The following NKX2-3 variants were observed in gnomAD, a reference collection of about 807,000 sequenced individuals.
NKX2-3 encodes homeobox protein Nkx-2.3.
NKX2-3 carries 3 observed loss-of-function variants against 14.2 expected under a neutral mutation model. The ratio of observed to expected loss-of-function variants is 0.21; its 90% CI spans 0.10 to 0.55. The LOEUF (loss-of-function observed/expected upper bound fraction) is 0.55. Ranked by LOEUF, NKX2-3 falls within the 20% of genes least tolerant of loss-of-function variation. NKX2-3 has a pLI of 0.94. For missense variants in NKX2-3, 511 were observed against 514.5 expected, an observed-to-expected ratio of 0.99 and a Z score of 0.06; for synonymous variants, 276 against 234.2, an observed-to-expected ratio of 1.18 and a Z score of -1.63.
intron 1 of NKX2-3, 73 bp downstream of exon 1, chr10:99,533,562 A>C: frequency 8.9e-7 from 1 of 1,129,482 alleles, no homozygotes; most frequent in Non-Finnish European, 1.2e-6. Context: ...CAGCCCACAG[A>C]CCTTGCCAGC....
At position 99,533,216 on chromosome 10, in the gene NKX2-3, G is replaced by T. The variant is rs1442845894; in HGVS notation, c.85G>T (p.Gly29Cys). 1 of 1,609,338 alleles carries T rather than the reference G, an allele frequency of 6.2e-7. No individual in the cohort carries two copies. Among genetic ancestry groups the T allele is most frequent in the Admixed American group, 1.7e-5 (1 of 59,884 alleles). ...GGAGCAGCAGCACCAGCACTTCCATGGTGCGCACTTGCAGGCGGACTTGGA... is the reference window on the plus strand; with the variant it reads ...GGAGCAGCAGCACCAGCACTTCCATTGTGCGCACTTGCAGGCGGACTTGGA... The part of the protein sequence containing the change: ...NLEQQHQHFH[G>C]AHLQADLEHH... Residue 29 changes from glycine (G) to cysteine (C), a missense_variant, in exon 1 of 2, where the codon GGT becomes TGT. Physicochemically the swap from Gly to Cys is radical, Grantham distance 159. Transcript: ENST00000344586.
At chr10:99,533,557 C>T in intron 1 of NKX2-3, 68 bp downstream of exon 1, 1 of 1,249,246 alleles carries the variant, frequency 8.0e-7, no homozygotes, top group Non-Finnish European at 1.1e-6. Context: ...ACAAACAGCC[C>T]ACAGACCTTG....
chr10:99,535,161 G>A lies in NKX2-3; in HGVS notation c.535G>A (p.Glu179Lys), dbSNP rs1432108769. 1.2e-6 allele frequency: 2 copies of A among 1,613,324 alleles called. No individual in the cohort carries two copies. Among genetic ancestry groups the A allele is most frequent in the Non-Finnish European group, 1.7e-6 (2 of 1,179,840 alleles). ...GCGGTACCTGTCGGCACCCGAGCGC[G>A]AGCACCTCGCCAGCAGCCTGAAGCT... ...QQRYLSAPER[E>K]HLASSLKLTS... Residue 179 changes from glutamate to lysine, a missense_variant, in exon 2 of 2, where the codon GAG becomes AAG. This residue lies in a region of NKX2-3 where 243 missense variants were observed against 242.3 expected (regional missense o/e 1.00). Transcript: ENST00000344586.
rs777388553 is a variant in NKX2-3, at chr10:99,535,662, G to T, written c.1036G>T (p.Gly346Cys). 6.5e-7 allele frequency: 1 copy of T among 1,537,614 alleles called. No individual in the cohort carries two copies. The highest frequency in any genetic ancestry group is 8.7e-7 in the Non-Finnish European group (1 of 1,145,610). Residue 346 changes from glycine (G) to cysteine (C), a missense_variant, in exon 2 of 2, where the codon GGT becomes TGT. Gly to Cys is a radical substitution (Grantham distance 159). Transcript: ENST00000344586. ...SGGSAQPLHQ[G>C]TAAGAACAQG... is the part of the protein sequence containing the mutation. The stretch of plus-strand genomic sequence containing the variant: ...CGGCAGCGCACAGCCGTTGCACCAG[G>T]GTACTGCAGCCGGGGCCGCGTGCGC...
rs1315169158 is a variant in NKX2-3, at chr10:99,535,480, C to T, written c.854C>T (p.Ala285Val). 6.6e-6 allele frequency: 8 copies of T among 1,204,746 alleles called. No individual in the cohort carries two copies. Among genetic ancestry groups the T allele is most frequent in the Non-Finnish European group, 8.3e-6 (8 of 965,536 alleles). 74.6% of individuals were successfully genotyped at this position (1,204,746 alleles called of 1,614,324 possible). Residue 285 changes from alanine (A) to valine (V), a missense_variant, in exon 2 of 2, where the codon GCG (alanine) becomes GTG (valine). Coordinates refer to ENST00000344586, the MANE Select transcript of NKX2-3 (RefSeq NM_145285.3). ...AAAAAAAAAA[A>V]AYSSSYGCAY... ...GCCGCCGCCGCCGCCGCAGCAGCGG[C>T]GGCCTACAGCAGCAGCTATGGCTGT...
Position 99,535,199 on chromosome 10 carries a change from G to A in NKX2-3, c.573G>A (p.Gln191=), listed in dbSNP as rs773006927. The change falls in exon 2 of 2, where the codon CAG becomes CAA. Residue 191 remains glutamine, a synonymous_variant. Coordinates refer to ENST00000344586, the MANE Select transcript of NKX2-3 (RefSeq NM_145285.3). The stretch of plus-strand genomic sequence containing the variant: ...GCAGCCTGAAGCTCACATCCACTCA[G>A]GTGAAAATCTGGTTCCAGAATCGCA... ...LASSLKLTST[Q]VKIWFQNRRY... 5.6e-6 allele frequency: 9 copies of A among 1,613,296 alleles called. No individual in the cohort carries two copies. The highest frequency in any genetic ancestry group is 4.0e-5 in the African/African-American group (3 of 74,928).
In NKX2-3 at chr10:99,533,420, C is replaced by T; in HGVS notation, c.289C>T (p.Leu97=). The T allele has an allele frequency of 1.2e-6, 2 of 1,600,724 alleles. No individual in the cohort carries two copies. The highest frequency in any genetic ancestry group is 2.3e-5 in the South Asian group (2 of 88,676). The part of the protein sequence containing the change: ...LCPQGYVHTV[L]RDSCSEPKEH... ...TCCCCAGGGCTATGTCCACACGGTC[C>T]TGCGAGACTCGTGCAGCGAGCCCAA... Residue 97 remains leucine (L), a synonymous_variant, in exon 1 of 2, where the codon CTG becomes TTG. Coordinates refer to ENST00000344586, the MANE Select transcript of NKX2-3 (RefSeq NM_145285.3).
chr10:99,533,985 G>T (rs2033938757), intron 1 of NKX2-3, among the ~76,000 whole-genome samples: 1 of 152,220 alleles, frequency 6.6e-6, no homozygotes. Context: ...CAGGAACTTT[G>T]GTGGAGGCCA....
In NKX2-3 at chr10:99,535,440, GC is replaced by G; in HGVS notation, c.815del (p.Ala272GlyfsTer55). 1 of 1,316,792 alleles carries G rather than the reference GC, an allele frequency of 7.6e-7. No homozygotes were observed. Among genetic ancestry groups the G allele is most frequent in the Non-Finnish European group, 9.7e-7 (1 of 1,029,404 alleles). 81.6% of individuals were successfully genotyped at this position (1,316,792 alleles called of 1,614,324 possible). On this transcript the variant is annotated frameshift_variant, in exon 2 of 2. Coordinates refer to ENST00000344586, the MANE Select transcript of NKX2-3 (RefSeq NM_145285.3). LOFTEE classifies it low-confidence loss of function (END_TRUNC). Reference sequence around the variant, plus strand: ...CGCCTACGGCTATGGGAACTCGGCCGCGGCCGCCGCCGCCGCCGCCGCCGCC... The same window carrying G: ...CGCCTACGGCTATGGGAACTCGGCCGGGCCGCCGCCGCCGCCGCCGCCGCC... ...FPAYGYGNSA[A>X]AAAAAAAAAA...
rs767349644 is a variant in NKX2-3, at chr10:99,535,047, G to C, written c.421G>C (p.Glu141Gln). 16 of 1,606,762 alleles carry C rather than the reference G, an allele frequency of 1.0e-5. No homozygotes were observed. The highest frequency in any genetic ancestry group is 1.4e-5 in the Non-Finnish European group (16 of 1,177,256). Residue 141 changes from glutamate (E) to glutamine (Q), a missense_variant, in exon 2 of 2, where the codon GAG becomes CAG. By Grantham distance (29) the Glu-to-Gln change is conservative. Coordinates refer to ENST00000344586, the MANE Select transcript of NKX2-3 (RefSeq NM_145285.3). ...AGACTGCAAGGCGGCGGAGGAGAGCGAGAGGCCGAAGCCACGCAGCCGCCG... is the reference window on the plus strand; with the variant it reads ...AGACTGCAAGGCGGCGGAGGAGAGCCAGAGGCCGAAGCCACGCAGCCGCCG... Reference protein sequence around the residue: ...AGDCKAAEESERPKPRSRRKP... With the variant: ...AGDCKAAEESQRPKPRSRRKP...
chr10:99,535,849 C>A lies in NKX2-3; in HGVS notation c.*128C>A. ...AATATGTACGTCTAGCTCCTCAGGG[C>A]TTCGGATCGCAGCTCACTCGAGGCC... On this transcript the variant is annotated 3_prime_UTR_variant, in exon 2 of 2. Transcript: ENST00000344586. 2 of 1,092,000 alleles carry A rather than the reference C, an allele frequency of 1.8e-6. No homozygotes were observed. The highest frequency in any genetic ancestry group is 2.5e-6 in the Non-Finnish European group (2 of 803,012). The allele number at this position is 1,092,000 out of a possible 1,614,324, so 67.6% of individuals were successfully genotyped here.
rs2033960831 is a variant in NKX2-3 at position 99,535,564 on chromosome 10, T to A, written c.938T>A (p.Met313Lys). The change falls in exon 2 of 2, where the codon ATG becomes AAG. Residue 313 changes from methionine (M) to lysine (K), a missense_variant. By Grantham distance (95) the Met-to-Lys change is moderately conservative. Transcript: ENST00000344586. The part of the protein sequence containing the change: ...GGGTSAATTA[M>K]QPACSAAGGG... ...GGGACCTCCGCGGCGACCACTGCCA[T>A]GCAGCCCGCCTGCAGCGCGGCCGGA... is the stretch of plus-strand genomic sequence containing the variant. The A allele has an allele frequency of 6.7e-7, 1 of 1,486,434 alleles. No individual in the cohort carries two copies. The highest frequency in any genetic ancestry group is 8.9e-7 in the Non-Finnish European group (1 of 1,124,726). The allele number at this position is 1,486,434 out of a possible 1,614,324, so 92.1% of individuals were successfully genotyped here.
In NKX2-3 at chr10:99,535,442, GGCCGCC is replaced by G. The variant is rs753948982; in HGVS notation, c.840_845del (p.Ala285_Ala286del). On this transcript the variant is annotated inframe_deletion, in exon 2 of 2. Coordinates refer to ENST00000344586, the MANE Select transcript of NKX2-3 (RefSeq NM_145285.3). ...CCTACGGCTATGGGAACTCGGCCGCGGCCGCCGCCGCCGCCGCCGCCGCCGCCGCAG... is the reference window on the plus strand; with the variant it reads ...CCTACGGCTATGGGAACTCGGCCGCGGCCGCCGCCGCCGCCGCCGCCGCAG... 9.6e-5 allele frequency: 126 copies of G among 1,310,570 alleles called. No homozygotes were observed. The highest frequency in any genetic ancestry group is 1.8e-4 in the South Asian group (10 of 55,102). 81.2% of individuals were successfully genotyped at this position (1,310,570 alleles called of 1,614,324 possible). A position where few individuals can be genotyped will look rare whatever the true frequency, so the allele number is the denominator to read the frequency against.
At chr10:99,533,711 A>C (rs7911680) in intron 1 of NKX2-3, among the ~76,000 whole-genome samples, 85,538 of 151,970 alleles carry the variant, frequency 0.56, 24,420 homozygotes, top group African/African-American at 0.65. Flanking sequence ...TACTCCCCCC[A>C]AAAGGGGGAA....
chr10:99,535,949 G>A lies in NKX2-3; in HGVS notation c.*228G>A, dbSNP rs1239984354. 6 of 536,456 alleles carry A rather than the reference G, an allele frequency of 1.1e-5. No individual in the cohort carries two copies. The highest frequency in any genetic ancestry group is 1.9e-5 in the Non-Finnish European group (6 of 312,262). The allele number at this position is 536,456 out of a possible 1,614,324, so 33.2% of individuals were successfully genotyped here. ...GACTGTCTCTGAGGCAGAAACGCCG[G>A]CTGGGCGCCGGGGAGGACGATGGCC... On this transcript the variant is annotated 3_prime_UTR_variant, in exon 2 of 2. Transcript: ENST00000344586.
Position 99,532,942 on chromosome 10 carries a change from A to C in NKX2-3, c.-190A>C. ...TAGGAGCCCGGGCCCCAGTCCCTGC[A>C]GTGGCTGTAACAAAACCCAGACCCC... is the stretch of plus-strand genomic sequence containing the variant. On this transcript the variant is annotated 5_prime_UTR_variant, in exon 1 of 2. Coordinates refer to ENST00000344586, the MANE Select transcript of NKX2-3 (RefSeq NM_145285.3). 1 of 548,788 alleles carries C rather than the reference A, an allele frequency of 1.8e-6. No homozygotes were observed. The highest frequency in any genetic ancestry group is 3.3e-6 in the Non-Finnish European group (1 of 307,142). The allele number at this position is 548,788 out of a possible 1,614,324, so 34.0% of individuals were successfully genotyped here. A position where few individuals can be genotyped will look rare whatever the true frequency, so the allele number is the denominator to read the frequency against.
chr10:99,533,049 C>T lies in NKX2-3; in HGVS notation c.-83C>T, dbSNP rs375600503. On this transcript the variant is annotated 5_prime_UTR_variant, in exon 1 of 2. Coordinates refer to ENST00000344586, the MANE Select transcript of NKX2-3 (RefSeq NM_145285.3). ...CCCGACTCGGCAGCAGCGGCGGAGTCCAGGAGGAGAGCTGGAGCCGCCGCG... is the reference window on the plus strand; with the variant it reads ...CCCGACTCGGCAGCAGCGGCGGAGTTCAGGAGGAGAGCTGGAGCCGCCGCG... The T allele has an allele frequency of 4.9e-5, 48 of 972,906 alleles. No homozygotes were observed. The highest frequency in any genetic ancestry group is 4.8e-4 in the East Asian group (20 of 41,408). 60.3% of individuals were successfully genotyped at this position (972,906 alleles called of 1,614,324 possible).
At position 99,533,221 on chromosome 10, in the gene NKX2-3, G is replaced by T. The variant is rs368978920; in HGVS notation, c.90G>T (p.Ala30=). The T allele has an allele frequency of 1.2e-6, 2 of 1,610,052 alleles. No individual in the cohort carries two copies. Among genetic ancestry groups the T allele is most frequent in the African/African-American group, 2.7e-5 (2 of 75,000 alleles). ...LEQQHQHFHG[A]HLQADLEHHF... ...AGCAGCACCAGCACTTCCATGGTGCGCACTTGCAGGCGGACTTGGAGCACC... is the reference window on the plus strand; with the variant it reads ...AGCAGCACCAGCACTTCCATGGTGCTCACTTGCAGGCGGACTTGGAGCACC... Residue 30 remains alanine (A), a synonymous_variant, in exon 1 of 2, where the codon GCG becomes GCT. Coordinates refer to ENST00000344586, the MANE Select transcript of NKX2-3 (RefSeq NM_145285.3).
chr10:99,535,636 G>GCGGCAGCGC lies in NKX2-3; in HGVS notation c.1011_1019dup (p.Gly338_Ala340dup). 6.5e-7 allele frequency: 1 copy of GCGGCAGCGC among 1,534,982 alleles called. No individual in the cohort carries two copies. The highest frequency in any genetic ancestry group is 8.7e-7 in the Non-Finnish European group (1 of 1,144,228). ...AGCAACCTAGGAGGCTTCGGCAGCG[G>GCGGCAGCGC]CGGCAGCGCACAGCCGTTGCACCAG... On this transcript the variant is annotated inframe_insertion, in exon 2 of 2. Transcript: ENST00000344586.
Sources: allele counts gnomAD v4.1 joint callset (sites outside exome capture counted in the v4.1 genomes callset), GRCh38; gene constraint gnomAD v4.1.1; regional missense constraint gnomAD v4.1.1; transcripts MANE v1.5; gene names NCBI Gene and HGNC (gene_info 2026-07-23, HGNC 2026-07-21).